FHIT: variants seen among roughly 807,000 people sequenced by gnomAD.
FHIT encodes the protein bis(5'-adenosyl)-triphosphatase.
In FHIT, 19 loss-of-function variants were observed where a neutral mutation model predicts 17.9. The observed-to-expected ratio is 1.06, with a 90% CI of 0.74 to 1.56. FHIT has a LOEUF of 1.56. Among genes scored for constraint, FHIT ranks in the 40% most tolerant of loss-of-function variants. The pLI, the probability that FHIT is intolerant of heterozygous loss-of-function variation, is 0.00. For synonymous variants in FHIT, 81 were observed against 69.7 expected, an observed-to-expected ratio of 1.16 and a Z score of -0.81; for missense variants, 248 against 189.2, an observed-to-expected ratio of 1.31 and a Z score of -1.82.
At chr3:60,590,231 C>T (rs1276019728) in intron 4 of FHIT, among the ~76,000 whole-genome samples, 1 of 152,142 alleles carries the variant, frequency 6.6e-6, no homozygotes, top group East Asian at 1.9e-4. Flanking sequence ...ATCAGACCAC[C>T]TTGGCGGACA....
At chr3:60,297,532 A>G (rs982244959) in intron 5 of FHIT, among the ~76,000 whole-genome samples, 2 of 151,994 alleles carry the variant, frequency 1.3e-5, no homozygotes, top group African/African-American at 4.8e-5. Flanking sequence ...TTTTAAAAAG[A>G]TTCCTTAGAC....
At position 61,095,266 on chromosome 3, in the gene FHIT, C is replaced by T. The variant is rs540521730; in HGVS notation, c.-163-53167G>A. Among the ~76,000 whole-genome samples, 353 of 152,258 alleles carry T rather than the reference C, an allele frequency of 2.3e-3. 1 individual carries two copies. Among genetic ancestry groups the T allele is most frequent in the Non-Finnish European group, 4.4e-3 (299 of 68,010 alleles). The stretch of plus-strand genomic sequence containing the variant: ...GGACAGAAGTAGCTGTGAATCTGGT[C>T]ACAAAACCTCTTTTTATACAAGAAA... On this transcript the variant is annotated intron_variant, in intron 2 of 9. Coordinates refer to ENST00000492590, the MANE Select transcript of FHIT (RefSeq NM_002012.4).
rs181196493 is a variant in FHIT at position 60,085,354 on chromosome 3, G to A, written c.104-71202C>T. On this transcript the variant is annotated intron_variant, in intron 5 of 9. Coordinates refer to ENST00000492590, the MANE Select transcript of FHIT (RefSeq NM_002012.4). ...AGGCCCTACTACATCCTTTGCTTGG[G>A]TTTTTTTCCATATGACATCATTCTA... Among the ~76,000 whole-genome samples the A allele has an allele frequency of 7.2e-5, 11 of 152,016 alleles. No individual in the cohort carries two copies. In the East Asian group the frequency reaches 1.9e-3, roughly 27 times the overall value.
rs139633629 is a variant in FHIT at position 60,510,208 on chromosome 3, G to T, written c.103+26652C>A. ...GCCTGAGCTGGCCATCTTGGCGAGT[G>T]GGGAAAACTAGAACAGCACTGAAAA... On this transcript the variant is annotated intron_variant, in intron 5 of 9. Transcript: ENST00000492590. Among the ~76,000 whole-genome samples the T allele has an allele frequency of 4.3e-3, 655 of 152,288 alleles. 5 individuals are homozygous for T. Among genetic ancestry groups the T allele is most frequent in the African/African-American group, 0.015 (631 of 41,562 alleles).
intron 2 of FHIT, among the ~76,000 whole-genome samples, chr3:61,075,988 T>G (rs2034959127): frequency 6.6e-6 from 1 of 152,318 alleles, no homozygotes; most frequent in Non-Finnish European, 1.5e-5. Flanking sequence ...CACTTTACAT[T>G]ATTATTCGTT....
chr3:60,327,371 C>G (rs1709747742), intron 5 of FHIT, among the ~76,000 whole-genome samples: 1 of 152,166 alleles, frequency 6.6e-6, no homozygotes, highest in African/African-American at 2.4e-5. Context: ...CTATTTTAGG[C>G]TTTGCAAGCC....
intron 4 of FHIT, among the ~76,000 whole-genome samples, chr3:60,698,433 A>G (rs191204509): frequency 2.6e-5 from 4 of 152,262 alleles, no homozygotes; most frequent in Admixed American, 2.0e-4. Context: ...AGTGTTTGAG[A>G]ACAAGCTACA....
intron 5 of FHIT, among the ~76,000 whole-genome samples, chr3:60,254,487 C>T (rs1278129869): frequency 6.6e-6 from 1 of 152,078 alleles, no homozygotes; most frequent in Non-Finnish European, 1.5e-5. Flanking sequence ...GTTTAAAACA[C>T]CTAGAGTATT....
chr3:60,685,048 T>A (rs2040832788), intron 4 of FHIT, among the ~76,000 whole-genome samples: 1 of 152,136 alleles, frequency 6.6e-6, no homozygotes, highest in Non-Finnish European at 1.5e-5. Flanking sequence ...CTGAGAGAAA[T>A]CTGAACAAAC....
At chr3:60,763,309 T>TA (rs1366604109) in intron 4 of FHIT, among the ~76,000 whole-genome samples, 4 of 152,220 alleles carry the variant, frequency 2.6e-5, no homozygotes, top group African/African-American at 9.6e-5. Flanking sequence ...AAAATAATAA[T>TA]ATTCTTCAAA....
chr3:60,045,064 C>G (rs912100949), intron 5 of FHIT, among the ~76,000 whole-genome samples: 6 of 151,898 alleles, frequency 4.0e-5, no homozygotes, highest in African/African-American at 1.5e-4. Flanking sequence ...AAGAAAGAAA[C>G]AAAGATGGGG....
chr3:59,858,949 A>G (rs1052050641), intron 8 of FHIT, among the ~76,000 whole-genome samples: 2 of 152,192 alleles, frequency 1.3e-5, no homozygotes, highest in Admixed American at 1.3e-4. Flanking sequence ...TTATATGTAC[A>G]TATTTCCTAG....
At chr3:60,663,815 C>A (rs568030237) in intron 4 of FHIT, among the ~76,000 whole-genome samples, 1 of 152,264 alleles carries the variant, frequency 6.6e-6, no homozygotes, top group African/African-American at 2.4e-5. Flanking sequence ...CCTACACATT[C>A]TTTGTTAGCA....
At chr3:59,902,574 C>T (rs993432538) in intron 8 of FHIT, among the ~76,000 whole-genome samples, 32 of 151,094 alleles carry the variant, frequency 2.1e-4, no homozygotes, top group African/African-American at 7.8e-4. Flanking sequence ...TACAGACATG[C>T]GATGTATATA....
intron 8 of FHIT, among the ~76,000 whole-genome samples, chr3:59,899,024 T>A (rs1704202647): frequency 6.6e-6 from 1 of 152,146 alleles, no homozygotes; most frequent in Non-Finnish European, 1.5e-5. Flanking sequence ...CTGCCCACCA[T>A]CAGAGTCCTC....
At chr3:61,245,171 AATG>A (rs1478061651) in intron 1 of FHIT, among the ~76,000 whole-genome samples, 1 of 152,216 alleles carries the variant, frequency 6.6e-6, no homozygotes, top group Non-Finnish European at 1.5e-5. Flanking sequence ...TTTTATTGAC[AATG>A]ATAAGAATAA....
rs79830778 is a variant in FHIT at position 60,126,828 on chromosome 3, A to T, written c.104-112676T>A. The stretch of plus-strand genomic sequence containing the variant: ...GATTTTCAGAAAGCCTAGTGTGAAA[A>T]TTCAGGAGACCTGAAATGTGCCCTC... On this transcript the variant is annotated intron_variant, in intron 5 of 9. Coordinates refer to ENST00000492590, the MANE Select transcript of FHIT (RefSeq NM_002012.4). 1.9e-3 allele frequency among the ~76,000 whole-genome samples: 291 copies of T among 152,232 alleles called. 1 individual carries two copies. The highest frequency in any genetic ancestry group is 6.5e-3 in the African/African-American group (271 of 41,546).
chr3:60,494,025 A>G (rs1162494238), intron 5 of FHIT, among the ~76,000 whole-genome samples: 3 of 152,222 alleles, frequency 2.0e-5, no homozygotes, highest in Non-Finnish European at 4.4e-5. Flanking sequence ...TTAATAAATG[A>G]CATATACTCA....
Position 60,767,309 on chromosome 3 carries a change from C to A in FHIT, c.-18+54610G>T, listed in dbSNP as rs377320235. Among the ~76,000 whole-genome samples, 13 of 152,222 alleles carry A rather than the reference C, an allele frequency of 8.5e-5. No individual in the cohort carries two copies. The South Asian group carries it at 1.9e-3, about 22-fold the overall frequency. On this transcript the variant is annotated intron_variant, in intron 4 of 9. Coordinates refer to ENST00000492590, the MANE Select transcript of FHIT (RefSeq NM_002012.4). ...AGAACAGAGAGGATGATAAAGACAC[C>A]ACAATGATGACCATGCACAGAGTGT...
Sources: gnomAD v4.1 joint callset for allele counts (sites outside exome capture counted in the v4.1 genomes callset) on GRCh38, gnomAD v4.1.1 for gene constraint, MANE v1.5 for transcripts, NCBI Gene and HGNC (gene_info 2026-07-23, HGNC 2026-07-21) for gene names.